The following UBAC2 variants were observed in gnomAD, a reference collection of about 807,000 sequenced individuals.
The protein encoded by UBAC2 is ubiquitin-associated domain-containing protein 2.
UBAC2 carries 26 observed loss-of-function variants against 44.0 expected under a neutral mutation model. The observed-to-expected ratio is 0.59, with a 90% CI of 0.43 to 0.82. The LOEUF (loss-of-function observed/expected upper bound fraction) is 0.82, where lower values mean the gene tolerates loss of function less well. UBAC2 is among the 40% of genes least tolerant of loss of function. The pLI is 0.00. For synonymous variants in UBAC2, 155 were observed against 154.3 expected (o/e 1.00, Z -0.04); for missense variants, 329 against 419.4 (o/e 0.78, Z 1.88).
chr13:99,256,442 T>G (rs1374082208), intron 4 of UBAC2: 1 of 152,198 alleles, frequency 6.6e-6, no homozygotes, highest in Non-Finnish European at 1.5e-5. Flanking sequence ...TAGTGCACAA[T>G]TGGGAGTACG....
At chr13:99,302,027 A>G (rs1167824114) in intron 4 of UBAC2, among the ~76,000 whole-genome samples, 3 of 152,186 alleles carry the variant, frequency 2.0e-5, no homozygotes, top group Admixed American at 6.5e-5. Context: ...ATGATCACCA[A>G]TTGGAGGTGA....
At chr13:99,262,101 A>G (rs1365749312) in intron 4 of UBAC2, among the ~76,000 whole-genome samples, 1 of 152,190 alleles carries the variant, frequency 6.6e-6, no homozygotes, top group African/African-American at 2.4e-5. Flanking sequence ...CACACTGTAG[A>G]CATTCCCACT....
intron 1 of UBAC2, among the ~76,000 whole-genome samples, chr13:99,229,255 G>A (rs1337386031): frequency 6.6e-6 from 1 of 152,238 alleles, no homozygotes. Context: ...GGTTCACTCA[G>A]GCTGATGGAG....
rs111639337 is a variant in UBAC2 at position 99,350,836 on chromosome 13, C to T, written c.807+10271C>T. ...AGTCTTGTGGGAGTGGGCCCTTAAC[C>T]TGTGGGCTCTGATGTTATCTCCTGG... is the stretch of plus-strand genomic sequence containing the variant. On this transcript the variant is annotated intron_variant, in intron 7 of 8. Transcript: ENST00000403766. Among the ~76,000 whole-genome samples the T allele has an allele frequency of 8.2e-3, 1,248 of 152,302 alleles. 12 individuals are homozygous for T. The highest frequency in any genetic ancestry group is 0.057 in the South Asian group (277 of 4,826).
At chr13:99,257,078 T>G (rs988689304) in intron 4 of UBAC2, among the ~76,000 whole-genome samples, 2 of 152,182 alleles carry the variant, frequency 1.3e-5, no homozygotes, top group African/African-American at 2.4e-5. Context: ...CTGTCTGCCT[T>G]CCTTCCTTTC....
chr13:99,338,054 T>TTTTTTTTTTTTTC (rs2044823728), intron 6 of UBAC2, among the ~76,000 whole-genome samples: 1 of 77,786 alleles, frequency 1.3e-5, no homozygotes, highest in Non-Finnish European at 2.8e-5. Context: ...TTTCTTTTTT[T>TTTTTTTTTTTTTC]TTTTTTTTTT....
At chr13:99,240,110 T>C (rs1441880571) in intron 2 of UBAC2, among the ~76,000 whole-genome samples, 1 of 152,124 alleles carries the variant, frequency 6.6e-6, no homozygotes, top group Admixed American at 6.6e-5. Flanking sequence ...GAGGGCTCAG[T>C]TGATGAAGGG....
At position 99,314,229 on chromosome 13, in the gene UBAC2, T is replaced by C. The variant is rs1390867241; in HGVS notation, c.513+9T>C. 1.3e-6 allele frequency: 2 copies of C among 1,588,052 alleles called. No homozygotes were observed. The highest frequency in any genetic ancestry group is 1.7e-6 in the Non-Finnish European group (2 of 1,170,956). On this transcript the variant is annotated intron_variant, in intron 5 of 8. Transcript: ENST00000403766. Reference sequence around the variant, plus strand: ...ATATATTGGGACTGCAGGTACAGTATGCATTTTTATGTTCACTTTTCTTTA... The same window carrying C: ...ATATATTGGGACTGCAGGTACAGTACGCATTTTTATGTTCACTTTTCTTTA...
intron 4 of UBAC2, among the ~76,000 whole-genome samples, chr13:99,245,305 G>A (rs528783516): frequency 6.6e-6 from 1 of 152,304 alleles, no homozygotes; most frequent in East Asian, 1.9e-4. Context: ...AAATTAATTT[G>A]TACGAAGTTA....
At chr13:99,336,126 G>A (rs1163023842) in intron 6 of UBAC2, among the ~76,000 whole-genome samples, 1 of 152,068 alleles carries the variant, frequency 6.6e-6, no homozygotes, top group African/African-American at 2.4e-5. Context: ...ATCTTTTCAT[G>A]AGTTTGTCAG....
intron 7 of UBAC2, among the ~76,000 whole-genome samples, chr13:99,363,885 CT>C (rs1197332825): frequency 6.6e-6 from 1 of 152,196 alleles, no homozygotes. Context: ...TTTCCATTTA[CT>C]TAGAAATCTT....
At chr13:99,202,178 C>A (rs930494640) in intron 1 of UBAC2, among the ~76,000 whole-genome samples, 1 of 152,016 alleles carries the variant, frequency 6.6e-6, no homozygotes, top group Non-Finnish European at 1.5e-5. Context: ...GCGCCACAGG[C>A]ATAATTTTAA....
intron 4 of UBAC2, among the ~76,000 whole-genome samples, chr13:99,267,685 T>G (rs892425602): frequency 5.3e-5 from 8 of 152,234 alleles, no homozygotes; most frequent in African/African-American, 1.9e-4. Flanking sequence ...CATTTGAAAT[T>G]GAAAGAGTAA....
intron 1 of UBAC2, among the ~76,000 whole-genome samples, chr13:99,215,120 ACAGT>A (rs374158355): frequency 4.0e-4 from 61 of 152,294 alleles, no homozygotes; most frequent in Middle Eastern, 6.8e-3. Context: ...TTTTTTAAAA[ACAGT>A]CAGCTCAATC....
intron 4 of UBAC2, among the ~76,000 whole-genome samples, chr13:99,306,793 T>C (rs997974663): frequency 1.3e-5 from 2 of 152,192 alleles, no homozygotes. Flanking sequence ...AAGCAAAGAT[T>C]GGTACTCTTT....
intron 2 of UBAC2, among the ~76,000 whole-genome samples, chr13:99,239,892 T>C (rs2043280793): frequency 6.6e-6 from 1 of 152,070 alleles, no homozygotes; most frequent in Non-Finnish European, 1.5e-5. Flanking sequence ...ATCAAGGAAA[T>C]AGGGACCAGT....
At chr13:99,247,863 C>T (rs1201110703) in intron 4 of UBAC2, among the ~76,000 whole-genome samples, 1 of 106,472 alleles carries the variant, frequency 9.4e-6, no homozygotes, top group South Asian at 2.7e-4. Flanking sequence ...CTATTTAATT[C>T]TCTCTCTCTC....
intron 5 of UBAC2, among the ~76,000 whole-genome samples, chr13:99,317,800 T>G (rs2044512710): frequency 1.3e-5 from 2 of 152,318 alleles, no homozygotes; most frequent in Admixed American, 1.3e-4. Context: ...TTCAACTTGT[T>G]TTAGGCTATA....
chr13:99,237,518 T>C (rs1280126989), intron 1 of UBAC2, among the ~76,000 whole-genome samples: 2 of 152,114 alleles, frequency 1.3e-5, no homozygotes, highest in Non-Finnish European at 2.9e-5. Context: ...AAGAGGTTGA[T>C]TAATGGGTAC....
Sources: gnomAD v4.1 joint callset for allele counts (sites outside exome capture counted in the v4.1 genomes callset) on GRCh38, gnomAD v4.1.1 for gene constraint, MANE v1.5 for transcripts, NCBI Gene and HGNC (gene_info 2026-07-23, HGNC 2026-07-21) for gene names.